Variants in SVIL observed in about 807,000 individuals in gnomAD.
The protein encoded by SVIL is archvillin.
Under a neutral mutation model 240.4 loss-of-function variants are expected in SVIL, and 101 were observed. The observed-to-expected ratio is 0.42, with a 90% CI of 0.36 to 0.50. SVIL has a LOEUF of 0.50. Among genes scored for constraint, SVIL ranks in the 20% least tolerant of loss-of-function variants. SVIL has a pLI of 0.01. For synonymous variants in SVIL, 999 were observed against 1,100.0 expected (o/e 0.91, Z 1.82); for missense variants, 2,512 against 2,818.7 (o/e 0.89, Z 2.46).
intron 17 of SVIL, among the ~76,000 whole-genome samples, chr10:29,512,131 C>T (rs1949882002): frequency 6.6e-6 from 1 of 152,248 alleles, no homozygotes; most frequent in Non-Finnish European, 1.5e-5. Flanking sequence ...GTCATCATCA[C>T]ATCTGTGATT....
In SVIL at chr10:29,533,348, A is replaced by G; in HGVS notation, c.1019T>C (p.Val340Ala). The change falls in exon 8 of 38, where the codon GTG (valine) becomes GCG (alanine). Residue 340 changes from valine to alanine, a missense_variant. By Grantham distance (64) the Val-to-Ala change is moderately conservative. Transcript: ENST00000355867. ...GGCTGAGTGCTCAGACTGAAATGAC[A>G]CGTAATGGACTGGCGCTGGCTGGTG... Reference protein sequence around the residue: ...RRHQPAPVHYVSFQSEHSAFD... With the variant: ...RRHQPAPVHYASFQSEHSAFD... 1 of 1,614,100 alleles carries G rather than the reference A, an allele frequency of 6.2e-7. No individual in the cohort carries two copies. The highest frequency in any genetic ancestry group is 1.1e-5 in the South Asian group (1 of 91,068).
chr10:29,520,359 G>A (rs965071617), intron 16 of SVIL, among the ~76,000 whole-genome samples: 1 of 152,084 alleles, frequency 6.6e-6, no homozygotes, highest in Non-Finnish European at 1.5e-5. Flanking sequence ...AACTCTCTTT[G>A]AGCCCCATTT....
chr10:29,557,800 G>A (rs992666180), intron 3 of SVIL, among the ~76,000 whole-genome samples: 2 of 152,042 alleles, frequency 1.3e-5, no homozygotes, highest in African/African-American at 4.8e-5. Flanking sequence ...GGCATAAAAC[G>A]AGAAATTCTC....
chr10:29,513,010 C>T (rs773325236), intron 16 of SVIL, 149 bp from the exon 17 acceptor site: 60 of 1,222,866 alleles, frequency 4.9e-5, no homozygotes, highest in Non-Finnish European at 6.5e-5. Flanking sequence ...ATTCGGAAGA[C>T]AGCATGTCTG....
At chr10:29,593,164 AAG>A (rs1159578605) in intron 1 of SVIL, among the ~76,000 whole-genome samples, 1 of 152,202 alleles carries the variant, frequency 6.6e-6, no homozygotes, top group Non-Finnish European at 1.5e-5. Context: ...TTGAAAAAAA[AAG>A]AGATATTCTG....
chr10:29,485,960 G>A (rs1197817454), intron 26 of SVIL, 125 bp downstream of exon 26: 2 of 1,084,062 alleles, frequency 1.8e-6, no homozygotes, highest in Admixed American at 2.8e-5. Flanking sequence ...AGCTGTAAAT[G>A]TTCTACAATG....
intron 2 of SVIL, among the ~76,000 whole-genome samples, chr10:29,670,715 T>C (rs1191698014): frequency 6.6e-6 from 1 of 152,214 alleles, no homozygotes; most frequent in Non-Finnish European, 1.5e-5. Context: ...AACAAGAGAA[T>C]GTAAAACGGT....
At chr10:29,606,866 T>A (rs547121537) in intron 1 of SVIL, among the ~76,000 whole-genome samples, 1 of 152,262 alleles carries the variant, frequency 6.6e-6, no homozygotes, top group East Asian at 1.9e-4. Context: ...GCAGTTCTCC[T>A]GCCTCAGCCT....
At chr10:29,531,437 C>T in intron 9 of SVIL, 149 bp from the exon 10 acceptor site, 1 of 786,250 alleles carries the variant, frequency 1.3e-6, no homozygotes, top group South Asian at 1.7e-5. Context: ...TGTGAAAACA[C>T]ACATACAGTT....
At chr10:29,642,548 A>G (rs1306397268) in intron 3 of SVIL, among the ~76,000 whole-genome samples, 1 of 152,204 alleles carries the variant, frequency 6.6e-6, no homozygotes, top group Non-Finnish European at 1.5e-5. Context: ...TCTGATTCCC[A>G]ATCTCTAGGC....
intron 2 of SVIL, among the ~76,000 whole-genome samples, chr10:29,679,225 CA>C (rs1208571862): frequency 6.6e-6 from 1 of 151,846 alleles, no homozygotes; most frequent in Non-Finnish European, 1.5e-5. Context: ...ACAAACAAAA[CA>C]AAAAAACACC....
intron 1 of SVIL, among the ~76,000 whole-genome samples, chr10:29,710,326 G>C (rs1963191222): frequency 6.6e-6 from 1 of 152,136 alleles, no homozygotes; most frequent in African/African-American, 2.4e-5. Context: ...CAAAGTGTCG[G>C]GATTATAGGC....
At chr10:29,695,341 G>C (rs1230154748) in intron 1 of SVIL, among the ~76,000 whole-genome samples, 1 of 152,100 alleles carries the variant, frequency 6.6e-6, no homozygotes, top group Non-Finnish European at 1.5e-5. Context: ...CTATTCAGGG[G>C]GCAGGTACAC....
At chr10:29,546,825 T>G (rs954298595) in intron 6 of SVIL, among the ~76,000 whole-genome samples, 1 of 152,088 alleles carries the variant, frequency 6.6e-6, no homozygotes, top group Non-Finnish European at 1.5e-5. Flanking sequence ...TGGGAATGAG[T>G]TGATTCAGAG....
rs546306825 is a variant in SVIL, at chr10:29,549,848, A to G, written c.827+749T>C. On this transcript the variant is annotated intron_variant, in intron 6 of 37. Coordinates refer to ENST00000355867, the MANE Select transcript of SVIL (RefSeq NM_021738.3). ...GAGAACACATGGACACAGGAAGGGG[A>G]ACATCACACTCTGGGGACTGTTGTG... Among the ~76,000 whole-genome samples, 225 of 121,780 alleles carry G rather than the reference A, an allele frequency of 1.8e-3. 2 individuals are homozygous for G. Among genetic ancestry groups the G allele is most frequent in the South Asian group, 0.018 (65 of 3,606 alleles). The allele number at this position is 121,780 out of a possible 152,430, so 79.9% of individuals were successfully genotyped here.
At chr10:29,588,422 G>A (rs1387125613) in intron 1 of SVIL, among the ~76,000 whole-genome samples, 1 of 151,842 alleles carries the variant, frequency 6.6e-6, no homozygotes, top group African/African-American at 2.4e-5. Flanking sequence ...GCAGTTTCTT[G>A]GACACCCAGC....
chr10:29,488,725 G>A lies in SVIL; in HGVS notation c.4224C>T (p.Thr1408=). 2 of 1,612,722 alleles carry A rather than the reference G, an allele frequency of 1.2e-6. No individual in the cohort carries two copies. The highest frequency in any genetic ancestry group is 1.7e-6 in the Non-Finnish European group (2 of 1,179,554). Residue 1408 remains threonine (T), a synonymous_variant, in exon 23 of 38, where the codon ACC becomes ACT. Coordinates refer to ENST00000355867, the MANE Select transcript of SVIL (RefSeq NM_021738.3). ...TTTCTTTACTGGCTAAACCCGCCAG[G>A]GTGACTTCTGAGAAGTTGGAGTTGG... The part of the protein sequence containing the change: ...MSSNSNFSEV[T]LAGLASKENF...
At chr10:29,579,428 A>G (rs1407720573) in intron 1 of SVIL, among the ~76,000 whole-genome samples, 1 of 151,628 alleles carries the variant, frequency 6.6e-6, no homozygotes, top group Non-Finnish European at 1.5e-5. Context: ...ACAGAGCAAG[A>G]CTCCGTCTCA....
rs1197756475 is a variant in SVIL at position 29,735,394 on chromosome 10, A to G, written c.-400+357T>C. Among the ~76,000 whole-genome samples the G allele has an allele frequency of 6.6e-6, 1 of 151,888 alleles. No individual in the cohort carries two copies. The highest frequency in any genetic ancestry group is 1.5e-5 in the Non-Finnish European group (1 of 67,916). ...CCGCCATGCTCTCAGCGTAACGGGC[A>G]GCCGCGCTAACTTCCCGAAACTCCG... is the stretch of plus-strand genomic sequence containing the variant. On this transcript the variant is annotated intron_variant, in intron 1 of 35. Coordinates refer to the SVIL transcript ENST00000375400. This position sits in a 1 kb window ranked among gnomAD's most constrained non-coding sequence, Gnocchi z 4.1.
Sources: gnomAD v4.1 joint callset for allele counts (sites outside exome capture counted in the v4.1 genomes callset) on GRCh38, gnomAD v4.1.1 for gene constraint, Gnocchi (gnomAD v3.1) non-coding constraint, MANE v1.5 for transcripts, NCBI Gene and HGNC (gene_info 2026-07-23, HGNC 2026-07-21) for gene names.